Variants in PPP4R3A observed in about 807,000 individuals in gnomAD.
PPP4R3A encodes protein phosphatase 4 regulatory subunit 3A, also known as serine/threonine-protein phosphatase 4 regulatory subunit 3A.
PPP4R3A carries 15 observed loss-of-function variants against 91.7 expected under a neutral mutation model. That is an observed-to-expected ratio of 0.16 (90% confidence interval 0.11 to 0.25). The LOEUF (loss-of-function observed/expected upper bound fraction) is 0.25, where lower values mean the gene tolerates loss of function less well. Ranked by LOEUF, PPP4R3A falls within the 10% of genes least tolerant of loss-of-function variation. The probability of loss-of-function intolerance (pLI) is 1.00; values close to 1 mark genes in which losing one functional copy is unlikely to be tolerated. For missense variants in PPP4R3A, 623 were observed against 998.4 expected (o/e 0.62, Z 5.07); for synonymous variants, 377 against 348.7 (o/e 1.08, Z -0.91).
intron 14 of PPP4R3A, among the ~76,000 whole-genome samples, 180 bp downstream of exon 14, chr14:91,461,201 A>C (rs184365317): frequency 6.6e-6 from 1 of 152,204 alleles, no homozygotes; most frequent in Non-Finnish European, 1.5e-5. Flanking sequence ...GTCATAAAAA[A>C]AACTTTCAGA....
intron 10 of PPP4R3A, 52 bp from the exon 11 acceptor site, chr14:91,465,471 TA>T: frequency 7.0e-7 from 1 of 1,428,312 alleles, no homozygotes; most frequent in Non-Finnish European, 9.2e-7. Context: ...TTCCATACTT[TA>T]GACTTACCAA....
intron 1 of PPP4R3A, among the ~76,000 whole-genome samples, chr14:91,502,012 G>A (rs915346770): frequency 3.3e-5 from 5 of 151,346 alleles, no homozygotes; most frequent in African/African-American, 9.7e-5. Context: ...GTGAGCCACC[G>A]CACCCGGCCA....
intron 1 of PPP4R3A, among the ~76,000 whole-genome samples, chr14:91,502,016 C>A (rs1326531020): frequency 1.3e-5 from 2 of 151,824 alleles, no homozygotes; most frequent in Non-Finnish European, 2.9e-5. Context: ...GCCACCGCAC[C>A]CGGCCAAGAC....
Position 91,459,690 on chromosome 14 carries a change from C to G in PPP4R3A, c.2392-821G>C, listed in dbSNP as rs1402729514. Reference sequence around the variant, plus strand: ...TCTCTAATAAAATTACAAAAATTAGCCAGGTGTGGTGGTGCACATCTGTAA... The same window carrying G: ...TCTCTAATAAAATTACAAAAATTAGGCAGGTGTGGTGGTGCACATCTGTAA... On this transcript the variant is annotated intron_variant, in intron 14 of 14. Transcript: ENST00000554943. Among the ~76,000 whole-genome samples, 13 of 151,804 alleles carry G rather than the reference C, an allele frequency of 8.6e-5. No homozygotes were observed. In the East Asian group the frequency reaches 2.6e-3, roughly 30 times the overall value.
intron 10 of PPP4R3A, among the ~76,000 whole-genome samples, chr14:91,468,717 A>T (rs1888646924): frequency 7.5e-6 from 1 of 133,008 alleles, no homozygotes; most frequent in African/African-American, 2.8e-5. Flanking sequence ...GACCAAGTAT[A>T]CTTTGTCCAC....
chr14:91,509,791 C>T lies in PPP4R3A; in HGVS notation c.-144G>A. ...GCCGCCGCTGGGCGCCGCGGGGCCG[C>T]GCCGCCGCCTGCATGGCCCGCTCCA... On this transcript the variant is annotated 5_prime_UTR_variant, in exon 1 of 15. Coordinates refer to ENST00000554943, the MANE Select transcript of PPP4R3A (RefSeq NM_001366432.2). 8.0e-7 allele frequency: 1 copy of T among 1,246,958 alleles called. No homozygotes were observed. 77.2% of individuals were successfully genotyped at this position (1,246,958 alleles called of 1,614,324 possible).
At position 91,461,909 on chromosome 14, in the gene PPP4R3A, G is replaced by C. The variant is rs377707823; in HGVS notation, c.2164+140C>G. 5 of 1,330,274 alleles carry C rather than the reference G, an allele frequency of 3.8e-6. No individual in the cohort carries two copies. The African/African-American group carries it at 7.5e-5, about 20-fold the overall frequency. 82.4% of individuals were successfully genotyped at this position (1,330,274 alleles called of 1,614,324 possible). A position where few individuals can be genotyped will look rare whatever the true frequency, so the allele number is the denominator to read the frequency against. On this transcript the variant is annotated intron_variant, in intron 13 of 14. Transcript: ENST00000554943. ...TATGCCTACACAACACTGCTATTCA[G>C]TCACATCCCATAAAGCAATAGAGTC...
chr14:91,474,207 A>C (rs1889027393), intron 7 of PPP4R3A, among the ~76,000 whole-genome samples: 1 of 152,230 alleles, frequency 6.6e-6, no homozygotes, highest in South Asian at 2.1e-4. Context: ...AGAAAATGAG[A>C]CTATGGTATT....
At chr14:91,464,549 A>G (rs1362400145) in intron 11 of PPP4R3A, among the ~76,000 whole-genome samples, 1 of 152,144 alleles carries the variant, frequency 6.6e-6, no homozygotes, top group Non-Finnish European at 1.5e-5. Context: ...GGATCGTTTG[A>G]GCCCAGCTGG....
intron 2 of PPP4R3A, among the ~76,000 whole-genome samples, chr14:91,486,937 A>G (rs942951777): frequency 6.8e-6 from 1 of 147,876 alleles, no homozygotes; most frequent in Non-Finnish European, 1.5e-5. Context: ...GAGAGTCAAA[A>G]TATTTATAAG....
intron 9 of PPP4R3A, among the ~76,000 whole-genome samples, chr14:91,472,466 T>G (rs201269367): frequency 0.48 from 70,748 of 146,094 alleles, 17,187 homozygotes; most frequent in Admixed American, 0.52. Flanking sequence ...TTGTTTTTTT[T>G]TTTTTTTTTT....
chr14:91,505,632 G>T (rs946766609), intron 1 of PPP4R3A, among the ~76,000 whole-genome samples: 4 of 152,146 alleles, frequency 2.6e-5, no homozygotes, highest in African/African-American at 9.6e-5. Context: ...TATTTATTTT[G>T]TTCTAAAGAA....
intron 1 of PPP4R3A, among the ~76,000 whole-genome samples, chr14:91,501,013 A>G (rs1314659839): frequency 6.6e-6 from 1 of 152,058 alleles, no homozygotes; most frequent in East Asian, 1.9e-4. Context: ...GCCTGGGTGA[A>G]AGACCAAGAC....
At chr14:91,480,613 T>C (rs1442201532) in intron 4 of PPP4R3A, among the ~76,000 whole-genome samples, 1 of 152,222 alleles carries the variant, frequency 6.6e-6, no homozygotes, top group African/African-American at 2.4e-5. Flanking sequence ...CATTAGAATT[T>C]ATATTCTGTG....
intron 10 of PPP4R3A, among the ~76,000 whole-genome samples, chr14:91,470,234 C>T (rs1742284541): frequency 1.3e-5 from 2 of 152,290 alleles, no homozygotes; most frequent in East Asian, 1.9e-4. Flanking sequence ...TGATAAAGAA[C>T]ATCCTGGATT....
rs1187830288 is a variant in PPP4R3A, at chr14:91,461,528, C to A, written c.2244G>T (p.Leu748=). The part of the protein sequence containing the change: ...GRQSPSFKLS[L]SSGTKTNLTS... ...TGAGGTTAGTCTTCGTTCCACTGGA[C>A]AGGGAAAGCTTGAAACTTGGGCTCT... Residue 748 remains leucine (L), a synonymous_variant, in exon 14 of 15, where the codon CTG becomes CTT. Coordinates refer to ENST00000554943, the MANE Select transcript of PPP4R3A (RefSeq NM_001366432.2). The A allele has an allele frequency of 2.5e-6, 4 of 1,614,064 alleles. No homozygotes were observed. Among genetic ancestry groups the A allele is most frequent in the Non-Finnish European group, 3.4e-6 (4 of 1,179,972 alleles).
chr14:91,490,611 A>G, intron 2 of PPP4R3A, 136 bp downstream of exon 2: 1 of 654,914 alleles, frequency 1.5e-6, no homozygotes. Flanking sequence ...AGGAATTGGC[A>G]GAAATCCTAT....
chr14:91,467,025 G>C (rs151031473), intron 10 of PPP4R3A, among the ~76,000 whole-genome samples: 2,213 of 151,828 alleles, frequency 0.015, 31 homozygotes, highest in Middle Eastern at 0.051. Flanking sequence ...AATTCACTAA[G>C]ACAAGGGAAT....
At chr14:91,496,396 G>A (rs1409774867) in intron 1 of PPP4R3A, among the ~76,000 whole-genome samples, 1 of 152,182 alleles carries the variant, frequency 6.6e-6, no homozygotes, top group Admixed American at 6.5e-5. Flanking sequence ...ACACACGCCT[G>A]ATTTTTACAG....
Sources: allele counts gnomAD v4.1 joint callset (sites outside exome capture counted in the v4.1 genomes callset), GRCh38; gene constraint gnomAD v4.1.1; transcripts MANE v1.5; gene names NCBI Gene and HGNC (gene_info 2026-07-23, HGNC 2026-07-21).